Variants in PLXNA4 observed in about 807,000 individuals in gnomAD.
PLXNA4 encodes the protein plexin A4.
Under a neutral mutation model 191.8 loss-of-function variants are expected in PLXNA4, and 44 were observed. The ratio of observed to expected loss-of-function variants is 0.23; its 90% CI spans 0.18 to 0.29. The LOEUF is 0.29. Among genes scored for constraint, PLXNA4 ranks in the 10% least tolerant of loss-of-function variants. The probability of loss-of-function intolerance (pLI) is 1.00; values close to 1 mark genes in which losing one functional copy is unlikely to be tolerated. For synonymous variants in PLXNA4, 1,082 were observed against 1,009.5 expected (o/e 1.07, Z -1.36); for missense variants, 1,800 against 2,488.8 (o/e 0.72, Z 5.89).
Position 132,227,518 on chromosome 7 carries a change from G to C in PLXNA4, c.1815C>G (p.Val605=), listed in dbSNP as rs76286420. The part of the protein sequence containing the change: ...FEDLSEMDGL[V]VGNQIQCYSP... Reference sequence around the variant, plus strand: ...AGTAGCACTGGATCTGATTGCCCACGACCAGCCCATCCATCTCTGACAGGT... The same window carrying C: ...AGTAGCACTGGATCTGATTGCCCACCACCAGCCCATCCATCTCTGACAGGT... The change falls in exon 7 of 32, where the codon GTC becomes GTG. Residue 605 remains valine, a synonymous_variant. Transcript: ENST00000321063. 0.017 allele frequency: 26,650 copies of C among 1,614,098 alleles called. 1,750 individuals are homozygous for C. The Admixed American group carries it at 0.18, about 11-fold the overall frequency.
At chr7:132,284,495 G>T (rs1395218689) in intron 4 of PLXNA4, among the ~76,000 whole-genome samples, 1 of 152,168 alleles carries the variant, frequency 6.6e-6, no homozygotes, top group East Asian at 1.9e-4. Context: ...TCTCCAGAGG[G>T]CCTTCCTCTC....
chr7:132,437,215 A>G (rs1271144958), intron 3 of PLXNA4, among the ~76,000 whole-genome samples: 2 of 152,242 alleles, frequency 1.3e-5, no homozygotes, highest in Non-Finnish European at 2.9e-5. Context: ...CAGGGCATCC[A>G]CTTTGCTCTT....
chr7:132,555,115 A>G (rs989952487), intron 1 of PLXNA4, among the ~76,000 whole-genome samples: 1 of 151,488 alleles, frequency 6.6e-6, no homozygotes, highest in Non-Finnish European at 1.5e-5. Context: ...TATCTAAGAT[A>G]TCACTCCAGG....
chr7:132,192,484 G>A (rs1797122898), intron 14 of PLXNA4, among the ~76,000 whole-genome samples: 1 of 150,454 alleles, frequency 6.6e-6, no homozygotes, highest in African/African-American at 2.5e-5. Flanking sequence ...AAGGGAGGGA[G>A]AAAGGAAGCA....
At chr7:132,556,454 C>A (rs574352724) in intron 1 of PLXNA4, among the ~76,000 whole-genome samples, 10 of 152,348 alleles carry the variant, frequency 6.6e-5, no homozygotes, top group Non-Finnish European at 1.2e-4. Flanking sequence ...ATTGAGTCTG[C>A]AACTTGCTTT....
intron 1 of PLXNA4, among the ~76,000 whole-genome samples, chr7:132,563,607 CCTT>C (rs1300161512): frequency 1.5e-5 from 2 of 129,272 alleles, no homozygotes; most frequent in African/African-American, 3.0e-5. Context: ...TTCTCCTCCT[CCTT>C]CTCTTCCTCC....
At chr7:132,184,875 C>T (rs984592706) in intron 16 of PLXNA4, among the ~76,000 whole-genome samples, 11 of 151,970 alleles carry the variant, frequency 7.2e-5, no homozygotes, top group Non-Finnish European at 1.6e-4. Flanking sequence ...ACAGCTTCCC[C>T]CAAGGAACCT....
chr7:132,524,621 G>A (rs2116389440), intron 1 of PLXNA4, among the ~76,000 whole-genome samples: 1 of 152,240 alleles, frequency 6.6e-6, no homozygotes, highest in South Asian at 2.1e-4. Context: ...TGTCACCCAG[G>A]CTGGAGTGCA....
chr7:132,525,282 C>T (rs1446015564), intron 1 of PLXNA4, among the ~76,000 whole-genome samples: 3 of 152,154 alleles, frequency 2.0e-5, no homozygotes, highest in African/African-American at 7.2e-5. Flanking sequence ...GACTCGGTCT[C>T]GCTGTCACCG....
intron 16 of PLXNA4, among the ~76,000 whole-genome samples, chr7:132,182,915 C>T (rs1796757735): frequency 6.6e-6 from 1 of 152,072 alleles, no homozygotes; most frequent in African/African-American, 2.4e-5. Flanking sequence ...GATGCCAGTG[C>T]CTATCCTTAG....
At chr7:132,239,942 G>T (rs1294822782) in intron 5 of PLXNA4, among the ~76,000 whole-genome samples, 1 of 152,192 alleles carries the variant, frequency 6.6e-6, no homozygotes, top group Non-Finnish European at 1.5e-5. Context: ...AGGAACTCAA[G>T]GACTCACTAT....
chr7:132,481,160 A>G (rs1330489572), intron 3 of PLXNA4, among the ~76,000 whole-genome samples: 1 of 152,102 alleles, frequency 6.6e-6, no homozygotes, highest in Non-Finnish European at 1.5e-5. Flanking sequence ...CTGTCCCTAA[A>G]GTGCTCCCCT....
chr7:132,632,265 A>G (rs1011148823), intron 2 of PLXNA4, among the ~76,000 whole-genome samples: 4 of 151,750 alleles, frequency 2.6e-5, no homozygotes, highest in African/African-American at 9.7e-5. Context: ...AAAATGGAGG[A>G]AGAGCATTCT....
At chr7:132,178,789 C>A (rs576667929) in intron 20 of PLXNA4, among the ~76,000 whole-genome samples, 1 of 135,832 alleles carries the variant, frequency 7.4e-6, no homozygotes, top group Admixed American at 7.2e-5. Context: ...TCCAGCACTG[C>A]CCACAGCTGC....
intron 10 of PLXNA4, among the ~76,000 whole-genome samples, chr7:132,206,320 G>A (rs566920264): frequency 5.3e-5 from 8 of 152,190 alleles, no homozygotes; most frequent in East Asian, 1.9e-4. Context: ...AACTATATTC[G>A]TGTTGCCTAT....
Position 132,362,141 on chromosome 7 carries a change from C to A in PLXNA4, c.1372-63919G>T, listed in dbSNP as rs137987177. On this transcript the variant is annotated intron_variant, in intron 3 of 31. Coordinates refer to ENST00000321063, the MANE Select transcript of PLXNA4 (RefSeq NM_020911.2). ...CCTGGGCCCACTTAAGTCATAAGAC[C>A]ATTTAGAGGACTTTATACATCATCA... 2.0e-5 allele frequency among the ~76,000 whole-genome samples: 3 copies of A among 152,182 alleles called. No homozygotes were observed. The East Asian group carries it at 5.8e-4, about 29-fold the overall frequency.
chr7:132,172,943 T>C (rs1402930932), intron 21 of PLXNA4, among the ~76,000 whole-genome samples: 2 of 152,202 alleles, frequency 1.3e-5, no homozygotes, highest in East Asian at 3.9e-4. Context: ...TTTCCCGTCC[T>C]ACAACCCCCG....
At chr7:132,320,751 T>C (rs760693718) in intron 3 of PLXNA4, among the ~76,000 whole-genome samples, 3 of 152,134 alleles carry the variant, frequency 2.0e-5, no homozygotes, top group Non-Finnish European at 2.9e-5. Context: ...TTCTCAGAGT[T>C]TGGGCTCCTG....
intron 3 of PLXNA4, among the ~76,000 whole-genome samples, chr7:132,393,732 A>G (rs1039964443): frequency 9.9e-5 from 15 of 152,174 alleles, no homozygotes; most frequent in South Asian, 4.1e-4. Flanking sequence ...AATCCACAGA[A>G]GAGGCCCCTG....
Sources: allele counts gnomAD v4.1 joint callset (sites outside exome capture counted in the v4.1 genomes callset), GRCh38; gene constraint gnomAD v4.1.1; transcripts MANE v1.5; gene names NCBI Gene and HGNC (gene_info 2026-07-23, HGNC 2026-07-21).